Variants in WARS2 observed in about 807,000 individuals in gnomAD.
WARS2 encodes the protein tryptophanyl tRNA synthetase 2, mitochondrial.
WARS2 carries 28 observed loss-of-function variants against 36.5 expected under a neutral mutation model. The ratio of observed to expected loss-of-function variants is 0.77; its 90% CI spans 0.57 to 1.05. The LOEUF (loss-of-function observed/expected upper bound fraction) is 1.05, where lower values mean the gene tolerates loss of function less well. WARS2 is among the 50% of genes least tolerant of loss of function. WARS2 has a pLI of 0.00. For missense variants in WARS2, 435 were observed against 456.8 expected (o/e 0.95, Z 0.44); for synonymous variants, 174 against 178.4 (o/e 0.98, Z 0.20).
chr1:119,123,239 T>C (rs1417374565), intron 1 of WARS2, among the ~76,000 whole-genome samples: 1 of 152,216 alleles, frequency 6.6e-6, no homozygotes, highest in Admixed American at 6.5e-5. Flanking sequence ...CTGGGAAAAC[T>C]CTGGCCTTGT....
intron 1 of WARS2, chr1:119,085,346 G>C (rs2101374306): frequency 7.4e-7 from 1 of 1,354,954 alleles, no homozygotes; most frequent in East Asian, 2.3e-5. Flanking sequence ...CCTAGTTCTT[G>C]CTGCTGTGCT....
At chr1:119,135,020 C>G (rs1215183779) in intron 1 of WARS2, among the ~76,000 whole-genome samples, 1 of 151,954 alleles carries the variant, frequency 6.6e-6, no homozygotes, top group Non-Finnish European at 1.5e-5. Context: ...AGAAAGAAGG[C>G]AAGAAAAGGA....
At chr1:119,096,953 C>A (rs1407739265) in intron 1 of WARS2, among the ~76,000 whole-genome samples, 3 of 152,128 alleles carry the variant, frequency 2.0e-5, no homozygotes, top group African/African-American at 7.2e-5. Context: ...CATTGCTTGC[C>A]TCAACTGGTA....
chr1:119,042,530 C>A (rs1294647661), intron 3 of WARS2, among the ~76,000 whole-genome samples, 181 bp from the exon 4 acceptor site: 1 of 152,054 alleles, frequency 6.6e-6, no homozygotes, highest in Non-Finnish European at 1.5e-5. Context: ...TGTCTTCATG[C>A]TCCAGGCTGA....
chr1:119,049,221 G>A (rs879680461), intron 2 of WARS2, among the ~76,000 whole-genome samples: 10 of 152,194 alleles, frequency 6.6e-5, no homozygotes, highest in Admixed American at 5.9e-4. Context: ...CGGGCGGAAC[G>A]ACATGGGGTT....
At chr1:119,105,788 G>A (rs1287774435) in intron 1 of WARS2, among the ~76,000 whole-genome samples, 2 of 152,094 alleles carry the variant, frequency 1.3e-5, no homozygotes, top group Non-Finnish European at 2.9e-5. Context: ...ATGCGCGCTT[G>A]TAATCCCAGC....
At chr1:119,136,840 G>C (rs979380796) in intron 1 of WARS2, among the ~76,000 whole-genome samples, 1 of 152,094 alleles carries the variant, frequency 6.6e-6, no homozygotes, top group Non-Finnish European at 1.5e-5. Context: ...ATTTCTTCAC[G>C]TTTGAAATAA....
At chr1:119,060,235 G>A (rs1650265349) in intron 2 of WARS2, among the ~76,000 whole-genome samples, 2 of 152,156 alleles carry the variant, frequency 1.3e-5, no homozygotes, top group South Asian at 4.1e-4. Context: ...TGAAATAACA[G>A]GAATTAATTT....
intron 2 of WARS2, among the ~76,000 whole-genome samples, chr1:119,059,807 C>T (rs1650226941): frequency 6.6e-6 from 1 of 152,100 alleles, no homozygotes; most frequent in African/African-American, 2.4e-5. Context: ...GAGCTGGAGG[C>T]CATTATCCTT....
At chr1:119,101,660 C>T (rs935363749) in intron 1 of WARS2, among the ~76,000 whole-genome samples, 9 of 152,108 alleles carry the variant, frequency 5.9e-5, no homozygotes, top group Non-Finnish European at 5.9e-5. Flanking sequence ...GATTCCTGAA[C>T]CCAAGCTCCC....
At chr1:119,039,292 G>A (rs1003905831) in intron 4 of WARS2, among the ~76,000 whole-genome samples, 4 of 152,062 alleles carry the variant, frequency 2.6e-5, no homozygotes, top group African/African-American at 9.7e-5. Flanking sequence ...CAGTGGCATT[G>A]TAGGTACTTA....
intron 1 of WARS2, chr1:119,126,834 T>A (rs762579066): frequency 5.0e-5 from 38 of 754,800 alleles, no homozygotes; most frequent in Non-Finnish European, 8.2e-5. Flanking sequence ...TTCCATCATC[T>A]TCTTCCAGAT....
At chr1:119,125,078 C>A (rs1413787161) in intron 1 of WARS2, among the ~76,000 whole-genome samples, 1 of 152,202 alleles carries the variant, frequency 6.6e-6, no homozygotes, top group African/African-American at 2.4e-5. Context: ...AAGTATCCAA[C>A]ACATAGTAAG....
intron 2 of WARS2, among the ~76,000 whole-genome samples, chr1:119,074,753 T>G (rs891075688): frequency 1.3e-5 from 2 of 151,830 alleles, no homozygotes; most frequent in Non-Finnish European, 2.9e-5. Context: ...AAAAAACAAC[T>G]AATAAAAATA....
At chr1:119,099,509 C>G (rs587775721) in intron 1 of WARS2, among the ~76,000 whole-genome samples, 1 of 152,086 alleles carries the variant, frequency 6.6e-6, no homozygotes, top group Non-Finnish European at 1.5e-5. Flanking sequence ...CCTACCACTG[C>G]GAAGATTCCT....
At chr1:119,044,810 C>T (rs1648656846) in intron 3 of WARS2, among the ~76,000 whole-genome samples, 2 of 152,160 alleles carry the variant, frequency 1.3e-5, no homozygotes, top group Non-Finnish European at 2.9e-5. Context: ...CTCCTAATAC[C>T]ATCATCTTGG....
intron 1 of WARS2, among the ~76,000 whole-genome samples, chr1:119,135,058 CATGTACTCTT>C (rs1656388887): frequency 6.6e-6 from 1 of 152,184 alleles, no homozygotes; most frequent in Non-Finnish European, 1.5e-5. Flanking sequence ...GCTATTATCT[CATGTACTCTT>C]ATGTAGCTTA....
chr1:119,131,715 C>T (rs2101571265), intron 1 of WARS2, among the ~76,000 whole-genome samples: 1 of 152,182 alleles, frequency 6.6e-6, no homozygotes, highest in South Asian at 2.1e-4. Flanking sequence ...CCCGCCTCGG[C>T]CTCCCAAAGT....
intron 2 of WARS2, among the ~76,000 whole-genome samples, chr1:119,073,655 A>G (rs10923746): frequency 0.4 from 60,432 of 152,036 alleles, 12,547 homozygotes; most frequent in African/African-American, 0.48. Context: ...CCTAGACCCA[A>G]TGAGCTCATT....
Sources: gnomAD v4.1 joint callset for allele counts (sites outside exome capture counted in the v4.1 genomes callset) on GRCh38, gnomAD v4.1.1 for gene constraint, MANE v1.5 for transcripts, NCBI Gene and HGNC (gene_info 2026-07-23, HGNC 2026-07-21) for gene names.